The following GOT1 variants were observed in gnomAD, a reference collection of about 807,000 sequenced individuals.
GOT1 encodes glutamic-oxaloacetic transaminase 1, also known as aspartate aminotransferase, cytoplasmic.
In GOT1, 25 loss-of-function variants were observed where a neutral mutation model predicts 48.2. The ratio of observed to expected loss-of-function variants is 0.52; its 90% confidence interval spans 0.38 to 0.72. The LOEUF (loss-of-function observed/expected upper bound fraction) is 0.72. GOT1 is among the 30% of genes least tolerant of loss of function. The pLI is 0.00. For missense variants in GOT1, 380 were observed against 520.1 expected, an observed-to-expected ratio of 0.73 and a Z score of 2.62; for synonymous variants, 188 against 193.8, an observed-to-expected ratio of 0.97 and a Z score of 0.25.
rs925318178 is a variant in GOT1, at chr10:99,397,355, T to A, written c.*192A>T. The A allele has an allele frequency of 3.9e-5, 25 of 644,162 alleles. No homozygotes were observed. The Admixed American group carries it at 6.2e-4, about 16-fold the overall frequency. The allele number at this position is 644,162 out of a possible 1,614,324, so 39.9% of individuals were successfully genotyped here. On this transcript the variant is annotated 3_prime_UTR_variant, in exon 9 of 9. Transcript: ENST00000370508. This position sits in a 1 kb window ranked among gnomAD's most constrained non-coding sequence, Gnocchi z 5.4. ...TTGCTTTGACCTCCAAAGGCTCTAA[T>A]CCCAGTCTCCAAATTCGTCTCAAGG...
chr10:99,426,287 G>A (rs1946921569), intron 1 of GOT1, among the ~76,000 whole-genome samples: 2 of 152,030 alleles, frequency 1.3e-5, no homozygotes, highest in African/African-American at 2.4e-5. Flanking sequence ...GTCTACAGGT[G>A]GGCCCAGCAG....
chr10:99,429,344 G>A (rs1026936086), intron 1 of GOT1, among the ~76,000 whole-genome samples: 1 of 148,220 alleles, frequency 6.7e-6, no homozygotes, highest in Non-Finnish European at 1.5e-5. Flanking sequence ...CACCGCGCCC[G>A]GCCGACTTTT....
chr10:99,425,358 G>C (rs980537752), intron 1 of GOT1, among the ~76,000 whole-genome samples: 1 of 152,136 alleles, frequency 6.6e-6, no homozygotes, highest in African/African-American at 2.4e-5. Flanking sequence ...AGTTTCAATG[G>C]GTAACCACTG....
intron 2 of GOT1, among the ~76,000 whole-genome samples, chr10:99,409,546 C>A (rs1194059443): frequency 6.6e-6 from 1 of 152,118 alleles, no homozygotes; most frequent in Non-Finnish European, 1.5e-5. Flanking sequence ...GAATGAGAGA[C>A]CTAGATCGTA....
At chr10:99,428,917 C>A (rs75401358) in intron 1 of GOT1, among the ~76,000 whole-genome samples, 1,679 of 152,278 alleles carry the variant, frequency 0.011, 36 homozygotes, top group African/African-American at 0.038. Context: ...AAATTTCAAA[C>A]CTATACAAAA....
intron 2 of GOT1, among the ~76,000 whole-genome samples, chr10:99,419,725 T>C (rs2032943308): frequency 6.6e-6 from 1 of 152,182 alleles, no homozygotes; most frequent in African/African-American, 2.4e-5. Context: ...AGCCACAGTA[T>C]GTTTTTAAAA....
rs11557841 is a variant in GOT1 at position 99,430,525 on chromosome 10, T to C, written c.41A>G (p.Gln14Arg). 1 of 1,610,116 alleles carries C rather than the reference T, an allele frequency of 6.2e-7. No homozygotes were observed. Among genetic ancestry groups the C allele is most frequent in the African/African-American group, 1.3e-5 (1 of 74,858 alleles). ...PSVFAEVPQA[Q>R]PVLVFKLTAD... ...AGTGAGCTTGAAGACCAGGACAGGCTGGGCCTGCGGAACCTCGGCAAAGAC... is the reference window on the plus strand; with the variant it reads ...AGTGAGCTTGAAGACCAGGACAGGCCGGGCCTGCGGAACCTCGGCAAAGAC... The change falls in exon 1 of 9, where the codon CAG becomes CGG. Residue 14 changes from glutamine to arginine, a missense_variant. Transcript: ENST00000370508.
intron 1 of GOT1, among the ~76,000 whole-genome samples, chr10:99,423,521 G>T (rs998034071): frequency 5.9e-5 from 9 of 152,194 alleles, no homozygotes; most frequent in Admixed American, 4.6e-4. Flanking sequence ...TTTCAAGTTA[G>T]TAATAGAAAT....
chr10:99,424,469 G>A (rs2033012238), intron 1 of GOT1, among the ~76,000 whole-genome samples: 1 of 152,132 alleles, frequency 6.6e-6, no homozygotes, highest in Non-Finnish European at 1.5e-5. Flanking sequence ...AAAAATTTGG[G>A]ATGTTTATAG....
intron 8 of GOT1, among the ~76,000 whole-genome samples, chr10:99,398,920 G>A (rs1014150227): frequency 1.3e-5 from 2 of 152,114 alleles, no homozygotes; most frequent in Non-Finnish European, 2.9e-5. Flanking sequence ...GGTGGATGTG[G>A]GATTTTCAGG....
At chr10:99,420,015 AAG>A (rs1343825453) in intron 2 of GOT1, among the ~76,000 whole-genome samples, 26 of 152,230 alleles carry the variant, frequency 1.7e-4, no homozygotes, top group African/African-American at 4.8e-5. Context: ...TCAACAGTAG[AAG>A]TATTAAAGAA....
At chr10:99,418,101 A>G (rs183326171) in intron 2 of GOT1, among the ~76,000 whole-genome samples, 101 of 151,760 alleles carry the variant, frequency 6.7e-4, no homozygotes, top group Non-Finnish European at 1.1e-3. Context: ...GAGCTCAATA[A>G]CCACTGGTAC....
At position 99,430,548 on chromosome 10, in the gene GOT1, G is replaced by A; in HGVS notation, c.18C>T (p.Val6=). ...GCTGGGCCTGCGGAACCTCGGCAAA[G>A]ACTGACGGAGGTGCCATATCGAGAG... is the stretch of plus-strand genomic sequence containing the variant. MAPPS[V]FAEVPQAQPV... The change falls in exon 1 of 9, where the codon GTC becomes GTT. Residue 6 remains valine, a synonymous_variant. Transcript: ENST00000370508. The A allele has an allele frequency of 6.2e-7, 1 of 1,605,038 alleles. No individual in the cohort carries two copies. Among genetic ancestry groups the A allele is most frequent in the Non-Finnish European group, 8.5e-7 (1 of 1,174,922 alleles).
At chr10:99,411,697 A>G (rs1293900999) in intron 2 of GOT1, among the ~76,000 whole-genome samples, 1 of 152,238 alleles carries the variant, frequency 6.6e-6, no homozygotes, top group African/African-American at 2.4e-5. Context: ...AACTGAATGC[A>G]AGGGCAGGGG....
chr10:99,409,366 C>T (rs961911592), intron 2 of GOT1, among the ~76,000 whole-genome samples: 3 of 152,076 alleles, frequency 2.0e-5, no homozygotes, highest in South Asian at 2.1e-4. Flanking sequence ...CTCCTGACCT[C>T]GTGATCCGCC....
chr10:99,428,778 T>C (rs2033073478), intron 1 of GOT1, among the ~76,000 whole-genome samples: 1 of 152,268 alleles, frequency 6.6e-6, no homozygotes, highest in South Asian at 2.1e-4. Flanking sequence ...GACCAAATGG[T>C]GTCCATTCAA....
chr10:99,400,178 T>C (rs926945002), intron 8 of GOT1, among the ~76,000 whole-genome samples: 2 of 152,242 alleles, frequency 1.3e-5, no homozygotes, highest in African/African-American at 4.8e-5. Context: ...TTTTTAAACA[T>C]CATTTCAGGG....
At chr10:99,406,606 G>A (rs1211524131) in intron 3 of GOT1, 120 bp downstream of exon 3, 2 of 963,462 alleles carry the variant, frequency 2.1e-6, no homozygotes, top group Non-Finnish European at 3.2e-6. Flanking sequence ...CACTGTTCAA[G>A]CCATTCCCAA....
At chr10:99,413,312 A>T (rs2032851477) in intron 2 of GOT1, among the ~76,000 whole-genome samples, 1 of 152,266 alleles carries the variant, frequency 6.6e-6, no homozygotes, top group Non-Finnish European at 1.5e-5. Flanking sequence ...TCAGTAGCCG[A>T]TTCGATCAAC....
Sources: allele counts gnomAD v4.1 joint callset (sites outside exome capture counted in the v4.1 genomes callset), GRCh38; gene constraint gnomAD v4.1.1; non-coding constraint Gnocchi (gnomAD v3.1); transcripts MANE v1.5; gene names NCBI Gene and HGNC (gene_info 2026-07-23, HGNC 2026-07-21).